CETP: variants seen among roughly 807,000 people sequenced by gnomAD.
CETP encodes cholesteryl ester transfer protein, also known as BPI fold containing family F.
A neutral mutation model predicts 66.5 loss-of-function variants in CETP; 56 were observed. That is an observed-to-expected ratio of 0.84 (90% confidence interval 0.68 to 1.05). The LOEUF (loss-of-function observed/expected upper bound fraction) is 1.05, where lower values mean the gene tolerates loss of function less well. Ranked by LOEUF, CETP falls within the 50% of genes least tolerant of loss-of-function variation. The probability of loss-of-function intolerance (pLI) is 0.00; values close to 1 mark genes in which losing one functional copy is unlikely to be tolerated. For synonymous variants in CETP, 251 were observed against 245.7 expected (o/e 1.02, Z -0.20); for missense variants, 612 against 609.6 (o/e 1.00, Z -0.04).
chr16:56,964,185 C>T (rs1194313547), intron 2 of CETP, among the ~76,000 whole-genome samples: 1 of 151,728 alleles, frequency 6.6e-6, no homozygotes, highest in Admixed American at 6.6e-5. Flanking sequence ...CACCACCACG[C>T]CCGGCTAATT....
At chr16:56,981,297 A>G in intron 12 of CETP, 72 bp downstream of exon 12, 1 of 1,252,600 alleles carries the variant, frequency 8.0e-7, no homozygotes, top group Non-Finnish European at 1.2e-6. Context: ...AGTCAGGCAC[A>G]GGGCGGGGTG....
chr16:56,971,397 T>C lies in CETP; in HGVS notation c.658+16T>C, dbSNP rs2056109427. ...ACAAGGGCTGGTGAGTGCGTTTCTG[T>C]CTGCATGCCTCAGAAGACAGCAGTG... is the stretch of plus-strand genomic sequence containing the variant. On this transcript the variant is annotated intron_variant, in intron 7 of 15. Coordinates refer to ENST00000200676, the MANE Select transcript of CETP (RefSeq NM_000078.3). 1.2e-6 allele frequency: 2 copies of C among 1,612,498 alleles called. No homozygotes were observed. The highest frequency in any genetic ancestry group is 1.7e-5 in the Admixed American group (1 of 60,028).
At chr16:56,983,477 G>A (rs2056203185) in intron 15 of CETP, 66 bp downstream of exon 15, 6 of 1,598,082 alleles carry the variant, frequency 3.8e-6, no homozygotes, top group Non-Finnish European at 5.1e-6. Context: ...GGATTCCTGG[G>A]GTGACTGGGG....
At chr16:56,980,711 C>T (rs1471389958) in intron 11 of CETP, among the ~76,000 whole-genome samples, 3 of 152,132 alleles carry the variant, frequency 2.0e-5, no homozygotes, top group Non-Finnish European at 4.4e-5. Flanking sequence ...ATCACATGGT[C>T]AGGAGTTCAA....
intron 9 of CETP, among the ~76,000 whole-genome samples, chr16:56,973,846 C>T (rs1216650582): frequency 1.3e-5 from 2 of 152,226 alleles, no homozygotes; most frequent in African/African-American, 4.8e-5. Flanking sequence ...CTTTTAAGGG[C>T]TCACAACTCT....
rs1189697080 is a variant in CETP at position 56,971,894 on chromosome 16, G to A, written c.659-98G>A. On this transcript the variant is annotated intron_variant, in intron 7 of 15. Coordinates refer to ENST00000200676, the MANE Select transcript of CETP (RefSeq NM_000078.3). ...GTCCCACTTTACAGAGGGGAACACT[G>A]AGGCTGGAGGGTTGGGTAGCTGTGT... The A allele has an allele frequency of 2.9e-6, 3 of 1,052,290 alleles. No individual in the cohort carries two copies. The Admixed American group carries it at 5.1e-5, about 18-fold the overall frequency. The allele number at this position is 1,052,290 out of a possible 1,614,324, so 65.2% of individuals were successfully genotyped here.
intron 13 of CETP, 130 bp from the exon 14 acceptor site, chr16:56,982,035 C>T (rs1299601060): frequency 2.3e-5 from 20 of 885,156 alleles, no homozygotes; most frequent in Admixed American, 1.8e-4. Flanking sequence ...GGCAGGAAAA[C>T]GGAGTGGGTT....
At chr16:56,974,029 A>G (rs1256412189) in intron 9 of CETP, among the ~76,000 whole-genome samples, 4 of 152,204 alleles carry the variant, frequency 2.6e-5, no homozygotes, top group Admixed American at 1.3e-4. Context: ...TCAGGGGTCC[A>G]TCTTTAACTA....
chr16:56,964,274 G>T (rs2056049378), intron 2 of CETP, among the ~76,000 whole-genome samples: 1 of 151,842 alleles, frequency 6.6e-6, no homozygotes, highest in Admixed American at 6.6e-5. Context: ...TGATCCACCC[G>T]CCTCGGCCTC....
At chr16:56,981,246 A>AG (rs1313579002) in intron 12 of CETP, 21 bp downstream of exon 12, 1 of 1,597,388 alleles carries the variant, frequency 6.3e-7, no homozygotes, top group African/African-American at 1.3e-5. Flanking sequence ...CAGAGAAGAG[A>AG]GGGGGCGGTC....
rs1567477038 is a variant in CETP at position 56,983,375 on chromosome 16, CT to C, written c.1373del (p.Phe458SerfsTer35). The C allele has an allele frequency of 1.2e-6, 2 of 1,614,238 alleles. No individual in the cohort carries two copies. Among genetic ancestry groups the C allele is most frequent in the Non-Finnish European group, 1.7e-6 (2 of 1,180,048 alleles). ...ALMNSKGVSL[F>X]DIINPEIITR... ...TCATGAACAGCAAAGGCGTGAGCCT[CT>C]TCGACATCATCAACCCTGAGATTAT... On this transcript the variant is annotated frameshift_variant, in exon 15 of 16. Coordinates refer to ENST00000200676, the MANE Select transcript of CETP (RefSeq NM_000078.3). LOFTEE classifies it high-confidence loss of function.
At chr16:56,971,245 C>G in intron 6 of CETP, 76 bp from the exon 7 acceptor site, 1 of 1,558,646 alleles carries the variant, frequency 6.4e-7, no homozygotes, top group Non-Finnish European at 8.8e-7. Context: ...AGCACTGCCA[C>G]CACCACGCAG....
At chr16:56,970,564 T>G (rs1442879152) in intron 5 of CETP, among the ~76,000 whole-genome samples, 7 of 152,194 alleles carry the variant, frequency 4.6e-5, no homozygotes, top group Non-Finnish European at 7.3e-5. Context: ...AGGGTGGGGC[T>G]TTTTGTCTTG....
intron 8 of CETP, among the ~76,000 whole-genome samples, chr16:56,972,312 G>T (rs142875045): frequency 6.6e-6 from 1 of 152,276 alleles, no homozygotes; most frequent in East Asian, 1.9e-4. Context: ...CCCACTACAA[G>T]GATCCCAGCA....
In CETP at chr16:56,978,155, C is replaced by A. The variant is rs752298084; in HGVS notation, c.1046C>A (p.Ser349Tyr). Residue 349 changes from serine (S) to tyrosine (Y), a missense_variant, in exon 11 of 16, where the codon TCC becomes TAC. Physicochemically the swap from Ser to Tyr is moderately radical, Grantham distance 144. Transcript: ENST00000200676. ...TVHCLKMPKI[S>Y]CQNKGVVVNS... is the part of the protein sequence containing the mutation. ...CACTGCCTCAAGATGCCCAAGATCT[C>A]CTGCCAAAACAAGGGAGTCGTGGTC... The A allele has an allele frequency of 1.9e-4, 309 of 1,614,146 alleles. 5 individuals are homozygous for A. The highest frequency in any genetic ancestry group is 1.8e-3 in the South Asian group (163 of 91,096).
chr16:56,966,851 A>G (rs546860592), intron 2 of CETP, among the ~76,000 whole-genome samples: 5 of 150,488 alleles, frequency 3.3e-5, no homozygotes, highest in African/African-American at 1.2e-4. Context: ...CTGACCTCAG[A>G]TGATCCACCT....
chr16:56,971,435 C>A, intron 7 of CETP, 54 bp downstream of exon 7: 1 of 1,491,252 alleles, frequency 6.7e-7, no homozygotes, highest in Non-Finnish European at 9.3e-7. Context: ...AGCCAGAAAG[C>A]CACCTGCTGC....
At chr16:56,962,215 G>T (rs1256297043) in intron 1 of CETP, 118 bp downstream of exon 1, 13 of 874,238 alleles carry the variant, frequency 1.5e-5, no homozygotes, top group Admixed American at 1.0e-4. Context: ...AGCCCAGAGA[G>T]AGGAGTGCCC....
At chr16:56,963,471 A>G (rs796430463) in intron 2 of CETP, among the ~76,000 whole-genome samples, 1 of 152,056 alleles carries the variant, frequency 6.6e-6, no homozygotes, top group Admixed American at 6.5e-5. Context: ...AAATGTATAA[A>G]TGTTGTTTTC....
Sources: gnomAD v4.1 joint callset for allele counts (sites outside exome capture counted in the v4.1 genomes callset) on GRCh38, gnomAD v4.1.1 for gene constraint, MANE v1.5 for transcripts, NCBI Gene and HGNC (gene_info 2026-07-23, HGNC 2026-07-21) for gene names.